The following RBFOX1 variants were observed in gnomAD, a reference collection of about 807,000 sequenced individuals.
RBFOX1 encodes the protein RNA binding protein fox-1 homolog 1.
RBFOX1 carries 8 observed loss-of-function variants against 57.7 expected under a neutral mutation model. The observed-to-expected ratio is 0.14, with a 90% CI of 0.08 to 0.25. The LOEUF (loss-of-function observed/expected upper bound fraction) is 0.25. Ranked by LOEUF, RBFOX1 falls within the 10% of genes least tolerant of loss-of-function variation. The pLI, the probability that RBFOX1 is intolerant of heterozygous loss-of-function variation, is 1.00. For synonymous variants in RBFOX1, 326 were observed against 222.4 expected (o/e 1.47, Z -4.15); for missense variants, 611 against 548.5 (o/e 1.11, Z -1.14).
chr16:7,273,204 C>CCCTTCCTTCCTCCCTT (rs2095367725), intron 4 of RBFOX1, among the ~76,000 whole-genome samples: 1 of 35,146 alleles, frequency 2.8e-5, no homozygotes. Context: ...CTTCCTCCCT[C>CCCTTCCTTCCTCCCTT]CCTTCCTTCC....
At chr16:6,632,361 G>C (rs1169338612) in intron 2 of RBFOX1, among the ~76,000 whole-genome samples, 2 of 151,996 alleles carry the variant, frequency 1.3e-5, no homozygotes, top group South Asian at 2.1e-4. Flanking sequence ...GTCTGAACTT[G>C]TTGGAGAAAC....
rs74004492 is a variant in RBFOX1 at position 5,686,038 on chromosome 16, T to A, written c.318+87077T>A. Among the ~76,000 whole-genome samples the A allele has an allele frequency of 5.0e-3, 760 of 152,332 alleles. 5 individuals are homozygous for A. Among genetic ancestry groups the A allele is most frequent in the African/African-American group, 0.016 (665 of 41,588 alleles). On this transcript the variant is annotated intron_variant, in intron 3 of 19. Coordinates refer to the RBFOX1 transcript ENST00000641259. ...GAATACAAGTAGGTCTCTTTTTAATTTGATACTGCATGTGGGTTCCCTGCA... is the reference window on the plus strand; with the variant it reads ...GAATACAAGTAGGTCTCTTTTTAATATGATACTGCATGTGGGTTCCCTGCA...
At chr16:5,495,460 C>A (rs1309887469) in intron 2 of RBFOX1, among the ~76,000 whole-genome samples, 2 of 152,196 alleles carry the variant, frequency 1.3e-5, no homozygotes. Flanking sequence ...TCCTACCAGG[C>A]CTCACCTCCA....
intron 4 of RBFOX1, among the ~76,000 whole-genome samples, chr16:7,134,166 T>G (rs1366614025): frequency 6.6e-6 from 1 of 152,136 alleles, no homozygotes; most frequent in Admixed American, 6.5e-5. Context: ...AGGGGTGTAA[T>G]GCATTTTTGA....
rs543412992 is a variant in RBFOX1, at chr16:6,990,439, C to G, written c.-15-61618C>G. ...ATTCAGGAGTCGGAGGCAGGAGAAT[C>G]GCTTGAACCTGGGAGTTGGAGTTTG... On this transcript the variant is annotated intron_variant, in intron 3 of 15. Transcript: ENST00000550418. 3.3e-5 allele frequency among the ~76,000 whole-genome samples: 5 copies of G among 152,014 alleles called. No homozygotes were observed. The South Asian group carries it at 1.0e-3, about 31-fold the overall frequency.
rs1044823869 is a variant in RBFOX1 at position 7,139,003 on chromosome 16, C to T, written c.27+86905C>T. ...ATTTTTAGTAGAGACAGGTTTTTAC[C>T]ATTTTGAGCAGGCTGGTCTCAAACT... On this transcript the variant is annotated intron_variant, in intron 4 of 15. Coordinates refer to ENST00000550418, the MANE Select transcript of RBFOX1 (RefSeq NM_018723.4). 1.1e-4 allele frequency among the ~76,000 whole-genome samples: 17 copies of T among 152,152 alleles called. No individual in the cohort carries two copies. The East Asian group carries it at 2.7e-3, about 24-fold the overall frequency.
At chr16:7,709,746 TGGGAGGGGGTGGG>T in intron 15 of RBFOX1, 5 of 177,310 alleles carry the variant, frequency 2.8e-5, no homozygotes, top group African/African-American at 6.9e-5. Flanking sequence ...GTTTTTGTTT[TGGGAGGGGGTGGG>T]GGGAGGGTAA....
chr16:6,726,652 C>G (rs575892935), intron 3 of RBFOX1, among the ~76,000 whole-genome samples: 1 of 152,166 alleles, frequency 6.6e-6, no homozygotes, highest in Non-Finnish European at 1.5e-5. Flanking sequence ...GTGTGCATGC[C>G]CAGAGAACTA....
At chr16:5,828,114 C>T (rs2056138540) in intron 3 of RBFOX1, among the ~76,000 whole-genome samples, 2 of 151,834 alleles carry the variant, frequency 1.3e-5, no homozygotes, top group South Asian at 4.2e-4. Context: ...ACCATTAATC[C>T]ACTCAGCCAC....
intron 5 of RBFOX1, among the ~76,000 whole-genome samples, chr16:7,561,465 C>A (rs1027367338): frequency 1.0e-3 from 159 of 152,342 alleles, no homozygotes; most frequent in African/African-American, 3.7e-3. Context: ...CCTGCCAATG[C>A]AGGAGAAATT....
At chr16:6,821,550 A>G (rs1045489610) in intron 3 of RBFOX1, among the ~76,000 whole-genome samples, 3 of 152,046 alleles carry the variant, frequency 2.0e-5, no homozygotes, top group African/African-American at 7.2e-5. Flanking sequence ...GATGCTTTTC[A>G]TTTCTCTCTC....
chr16:6,653,640 AATGG>A (rs970918846), intron 2 of RBFOX1, among the ~76,000 whole-genome samples: 1 of 149,032 alleles, frequency 6.7e-6, no homozygotes, highest in African/African-American at 2.5e-5. Flanking sequence ...TGGATGGATG[AATGG>A]ATGGATGGAT....
chr16:6,634,808 T>TAA (rs58616192), intron 2 of RBFOX1, among the ~76,000 whole-genome samples: 6 of 126,136 alleles, frequency 4.8e-5, no homozygotes, highest in Admixed American at 8.6e-5. Context: ...ATATTTGTAT[T>TAA]ATATATAATA....
intron 2 of RBFOX1, among the ~76,000 whole-genome samples, chr16:5,476,198 A>G (rs1043713644): frequency 6.6e-6 from 1 of 152,186 alleles, no homozygotes; most frequent in Non-Finnish European, 1.5e-5. Context: ...TGCATGTTAC[A>G]TACCTTGATT....
chr16:7,286,081 ACT>A, intron 4 of RBFOX1, among the ~76,000 whole-genome samples: 1 of 152,318 alleles, frequency 6.6e-6, no homozygotes. Flanking sequence ...ATAATTTACC[ACT>A]CTATAAATAT....
chr16:6,990,154 A>T (rs1161243495), intron 3 of RBFOX1, among the ~76,000 whole-genome samples: 2 of 152,194 alleles, frequency 1.3e-5, no homozygotes. Context: ...CACAGTAGGG[A>T]TTCAGTAAGT....
rs572452890 is a variant in RBFOX1, at chr16:7,031,023, T to G, written c.-15-21034T>G. Among the ~76,000 whole-genome samples, 36 of 152,184 alleles carry G rather than the reference T, an allele frequency of 2.4e-4. 1 individual carries two copies. Among genetic ancestry groups the G allele is most frequent in the Admixed American group, 1.2e-3 (19 of 15,290 alleles). On this transcript the variant is annotated intron_variant, in intron 3 of 15. Coordinates refer to ENST00000550418, the MANE Select transcript of RBFOX1 (RefSeq NM_018723.4). ...AGAAAGAGGACCTTTATGACCTAGTTGGTTTGGGATGGGAGATGGTGTATG... is the reference window on the plus strand; with the variant it reads ...AGAAAGAGGACCTTTATGACCTAGTGGGTTTGGGATGGGAGATGGTGTATG...
intron 1 of RBFOX1, among the ~76,000 whole-genome samples, chr16:6,160,818 C>G (rs111976952): frequency 2.8e-4 from 42 of 152,320 alleles, no homozygotes; most frequent in African/African-American, 1.0e-3. Context: ...TTGATCCTCT[C>G]AAGATCAGCT....
chr16:6,405,246 G>T (rs1156606445), intron 2 of RBFOX1, among the ~76,000 whole-genome samples: 1 of 152,144 alleles, frequency 6.6e-6, no homozygotes, highest in Non-Finnish European at 1.5e-5. Flanking sequence ...CAGTTAGAGG[G>T]TGTTTTGAGA....
Sources: gnomAD v4.1 joint callset for allele counts (sites outside exome capture counted in the v4.1 genomes callset) on GRCh38, gnomAD v4.1.1 for gene constraint, MANE v1.5 for transcripts, NCBI Gene and HGNC (gene_info 2026-07-23, HGNC 2026-07-21) for gene names.